The following PRKG1 variants were observed in gnomAD, a reference collection of about 807,000 sequenced individuals.
The protein encoded by PRKG1 is protein kinase cGMP-dependent 1, also known as cGMP-dependent protein kinase 1.
Under a neutral mutation model 88.1 loss-of-function variants are expected in PRKG1, and 35 were observed. That is an observed-to-expected ratio of 0.40 (90% CI 0.30 to 0.53). PRKG1 has a LOEUF of 0.53. PRKG1 is among the 20% of genes least tolerant of loss of function. The probability of loss-of-function intolerance (pLI) is 0.59; values close to 1 mark genes in which losing one functional copy is unlikely to be tolerated. For synonymous variants in PRKG1, 303 were observed against 292.5 expected, an observed-to-expected ratio of 1.04 and a Z score of -0.37; for missense variants, 540 against 839.8, an observed-to-expected ratio of 0.64 and a Z score of 4.41.
At chr10:51,808,751 T>C (rs1392539192) in intron 4 of PRKG1, among the ~76,000 whole-genome samples, 3 of 152,204 alleles carry the variant, frequency 2.0e-5, no homozygotes, top group African/African-American at 7.2e-5. Context: ...TCTACATTTT[T>C]CTGTTATAGA....
At chr10:51,649,644 G>A (rs1332274028) in intron 3 of PRKG1, among the ~76,000 whole-genome samples, 2 of 152,198 alleles carry the variant, frequency 1.3e-5, no homozygotes, top group Admixed American at 6.5e-5. Flanking sequence ...AATGCTCAGC[G>A]AAGCAAGGAA....
chr10:52,144,962 T>G (rs1366087324), intron 8 of PRKG1, among the ~76,000 whole-genome samples: 1 of 152,148 alleles, frequency 6.6e-6, no homozygotes, highest in African/African-American at 2.4e-5. Flanking sequence ...AATAGATGTA[T>G]GTAATAGATA....
intron 1 of PRKG1, among the ~76,000 whole-genome samples, chr10:51,033,968 A>G (rs1040492741): frequency 2.6e-4 from 40 of 152,082 alleles, no homozygotes; most frequent in African/African-American, 8.9e-4. Context: ...AGTCACTTTG[A>G]ATATTATGTA....
chr10:51,880,856 CT>C (rs1841419380), intron 4 of PRKG1, among the ~76,000 whole-genome samples: 1 of 152,130 alleles, frequency 6.6e-6, no homozygotes, highest in Non-Finnish European at 1.5e-5. Flanking sequence ...TATTGAGTAT[CT>C]TTAGATGCCA....
At chr10:51,577,531 G>A (rs1174923289) in intron 3 of PRKG1, among the ~76,000 whole-genome samples, 4 of 152,000 alleles carry the variant, frequency 2.6e-5, no homozygotes, top group Non-Finnish European at 4.4e-5. Context: ...AATAGGCACA[G>A]TATTGAAATT....
At chr10:51,459,844 T>C (rs1190246549) in intron 2 of PRKG1, among the ~76,000 whole-genome samples, 1 of 152,156 alleles carries the variant, frequency 6.6e-6, no homozygotes, top group African/African-American at 2.4e-5. Context: ...TAAAGTAGCT[T>C]TGTGGCTTTA....
chr10:51,253,453 C>T (rs1377852679), intron 2 of PRKG1, among the ~76,000 whole-genome samples: 5 of 151,822 alleles, frequency 3.3e-5, no homozygotes, highest in Admixed American at 2.0e-4. Flanking sequence ...TCTTTCCCCC[C>T]AATAGACATC....
At chr10:51,184,347 A>G (rs754513926) in intron 2 of PRKG1, among the ~76,000 whole-genome samples, 1 of 152,190 alleles carries the variant, frequency 6.6e-6, no homozygotes, top group Non-Finnish European at 1.5e-5. Context: ...TAATTTAACA[A>G]TTTGTTCTTA....
intron 3 of PRKG1, among the ~76,000 whole-genome samples, chr10:51,737,747 A>AT: frequency 9.4e-6 from 1 of 106,566 alleles, no homozygotes; most frequent in African/African-American, 3.5e-5. Context: ...ATTAATTATT[A>AT]TTATTATTAT....
intron 2 of PRKG1, among the ~76,000 whole-genome samples, chr10:51,458,677 C>T (rs1406557132): frequency 1.3e-5 from 2 of 152,094 alleles, no homozygotes; most frequent in Non-Finnish European, 2.9e-5. Flanking sequence ...TATTTTGTTT[C>T]CTTTTTCTGC....
At chr10:52,131,973 T>C (rs1367686868) in intron 7 of PRKG1, among the ~76,000 whole-genome samples, 2 of 151,888 alleles carry the variant, frequency 1.3e-5, no homozygotes, top group Admixed American at 6.6e-5. Flanking sequence ...GATTAAAATA[T>C]GTACAATAAT....
chr10:52,053,031 T>C (rs896076996), intron 5 of PRKG1, among the ~76,000 whole-genome samples: 7 of 152,172 alleles, frequency 4.6e-5, no homozygotes, highest in African/African-American at 9.7e-5. Flanking sequence ...AGCATAGATA[T>C]CTTGTTAAAT....
At chr10:51,721,212 T>TA (rs55873432) in intron 3 of PRKG1, among the ~76,000 whole-genome samples, 5,118 of 121,462 alleles carry the variant, frequency 0.042, 335 homozygotes, top group African/African-American at 0.14. Context: ...CAAGACCTAT[T>TA]AAAAAAAAAA....
In PRKG1 at chr10:51,011,981, G is replaced by T. The variant is rs564704990; in HGVS notation, c.266+20337G>T. On this transcript the variant is annotated intron_variant, in intron 1 of 17. Coordinates refer to the PRKG1 transcript ENST00000401604. Reference sequence around the variant, plus strand: ...GCAGGCAAGAAGAGAACTTGTGCAGGGGAACTCCCCTTTATGAAACCATCA... The same window carrying T: ...GCAGGCAAGAAGAGAACTTGTGCAGTGGAACTCCCCTTTATGAAACCATCA... Among the ~76,000 whole-genome samples the T allele has an allele frequency of 1.9e-3, 293 of 152,270 alleles. 1 individual carries two copies. Among genetic ancestry groups the T allele is most frequent in the Non-Finnish European group, 3.5e-3 (240 of 68,024 alleles).
At chr10:52,063,966 G>A (rs946711890) in intron 7 of PRKG1, among the ~76,000 whole-genome samples, 7 of 152,188 alleles carry the variant, frequency 4.6e-5, no homozygotes, top group African/African-American at 1.7e-4. Flanking sequence ...CATGCTGATT[G>A]GTTCATGAGT....
chr10:52,147,807 C>T (rs914884426), intron 8 of PRKG1, among the ~76,000 whole-genome samples: 2 of 152,072 alleles, frequency 1.3e-5, no homozygotes, highest in African/African-American at 4.8e-5. Flanking sequence ...GATTTCTATC[C>T]TGAATTATTG....
At chr10:51,466,876 A>C (rs904190669) in intron 2 of PRKG1, among the ~76,000 whole-genome samples, 3 of 152,064 alleles carry the variant, frequency 2.0e-5, no homozygotes, top group African/African-American at 4.8e-5. Flanking sequence ...GACTGTGGAT[A>C]AATAACTTGG....
Position 51,402,033 on chromosome 10 carries a change from G to A in PRKG1, c.479-65690G>A, listed in dbSNP as rs192203136. On this transcript the variant is annotated intron_variant, in intron 2 of 17. Coordinates refer to ENST00000373980, the MANE Select transcript of PRKG1 (RefSeq NM_006258.4). The stretch of plus-strand genomic sequence containing the variant: ...TTTTGTTTTGCACATGTGATTTTAA[G>A]AGGTCCACTCTTTTTCTAAACTATG... Among the ~76,000 whole-genome samples the A allele has an allele frequency of 3.9e-5, 6 of 152,254 alleles. No homozygotes were observed. In the East Asian group the frequency reaches 1.2e-3, roughly 29 times the overall value.
rs780898930 is a variant in PRKG1 at position 52,280,772 on chromosome 10, C to A, written c.1404-17C>A. The A allele has an allele frequency of 2.2e-5, 36 of 1,604,454 alleles. No individual in the cohort carries two copies. The highest frequency in any genetic ancestry group is 6.8e-5 in the Admixed American group (4 of 58,828). On this transcript the variant is annotated splice_polypyrimidine_tract_variant and intron_variant, in intron 12 of 17. Coordinates refer to ENST00000373980, the MANE Select transcript of PRKG1 (RefSeq NM_006258.4). ...ATTAATTTTTTATACAATTTTCATT[C>A]CATTTCTGCACCTCAGAGGTTCGTT...
Sources: allele counts gnomAD v4.1 joint callset (sites outside exome capture counted in the v4.1 genomes callset), GRCh38; gene constraint gnomAD v4.1.1; transcripts MANE v1.5; gene names NCBI Gene and HGNC (gene_info 2026-07-23, HGNC 2026-07-21).